RUBCN: variants seen among roughly 807,000 people sequenced by gnomAD.
The protein encoded by RUBCN is run domain Beclin-1-interacting and cysteine-rich domain-containing protein.
RUBCN carries 74 observed loss-of-function variants against 113.2 expected under a neutral mutation model. The observed-to-expected ratio is 0.65, with a 90% CI of 0.54 to 0.79. The LOEUF (loss-of-function observed/expected upper bound fraction) is 0.79, where lower values mean the gene tolerates loss of function less well. Among genes scored for constraint, RUBCN ranks in the 30% least tolerant of loss-of-function variants. The pLI, the probability that RUBCN is intolerant of heterozygous loss-of-function variation, is 0.00. For synonymous variants in RUBCN, 480 were observed against 490.0 expected (o/e 0.98, Z 0.27); for missense variants, 1,109 against 1,251.7 (o/e 0.89, Z 1.72).
rs1721267785 is a variant in RUBCN at position 197,681,772 on chromosome 3, C to T, written c.2191+63G>A. Reference sequence around the variant, plus strand: ...TACCGCCTTTGACACGCCACCTCTCCCTACGTGTCGGGGAGGGTACAGAGC... The same window carrying T: ...TACCGCCTTTGACACGCCACCTCTCTCTACGTGTCGGGGAGGGTACAGAGC... On this transcript the variant is annotated intron_variant, in intron 15 of 19. Transcript: ENST00000296343. This position sits in a 1 kb window ranked among gnomAD's most constrained non-coding sequence, Gnocchi z 5.5. 3 of 1,432,904 alleles carry T rather than the reference C, an allele frequency of 2.1e-6. No homozygotes were observed. Among genetic ancestry groups the T allele is most frequent in the African/African-American group, 1.4e-5 (1 of 71,444 alleles). 88.8% of individuals were successfully genotyped at this position (1,432,904 alleles called of 1,614,324 possible).
chr3:197,692,658 C>A (rs1177938905), intron 11 of RUBCN, among the ~76,000 whole-genome samples: 1 of 151,078 alleles, frequency 6.6e-6, no homozygotes, highest in Admixed American at 6.6e-5. Flanking sequence ...TACAAACAAC[C>A]AAACAAACAA....
At chr3:197,708,640 A>C (rs934651146) in intron 2 of RUBCN, among the ~76,000 whole-genome samples, 1 of 151,882 alleles carries the variant, frequency 6.6e-6, no homozygotes, top group Non-Finnish European at 1.5e-5. Flanking sequence ...CCAAAGAAGC[A>C]CTCAAGTTGG....
rs1404442919 is a variant in RUBCN at position 197,710,541 on chromosome 3, G to C, written c.220-5366C>G. Among the ~76,000 whole-genome samples the C allele has an allele frequency of 2.0e-5, 3 of 151,314 alleles. No homozygotes were observed. In the South Asian group the frequency reaches 6.3e-4, roughly 32 times the overall value. ...CTTGAACCCCAGAGTCAGAGGCTGCGGTGAGCTGGGATTGTGCCATTGCAC... is the reference window on the plus strand; with the variant it reads ...CTTGAACCCCAGAGTCAGAGGCTGCCGTGAGCTGGGATTGTGCCATTGCAC... On this transcript the variant is annotated intron_variant, in intron 2 of 19. Coordinates refer to ENST00000296343, the MANE Select transcript of RUBCN (RefSeq NM_014687.4).
At chr3:197,728,463 G>T (rs1278046684) in intron 1 of RUBCN, among the ~76,000 whole-genome samples, 2 of 152,176 alleles carry the variant, frequency 1.3e-5, no homozygotes, top group Non-Finnish European at 2.9e-5. Context: ...ATCAAACAGG[G>T]ACGGGAAAGA....
intron 1 of RUBCN, among the ~76,000 whole-genome samples, chr3:197,743,296 T>C (rs1728603002): frequency 1.3e-5 from 2 of 151,162 alleles, no homozygotes; most frequent in Non-Finnish European, 2.9e-5. Flanking sequence ...TCATGTTCTC[T>C]GCGGTATCCC....
intron 13 of RUBCN, among the ~76,000 whole-genome samples, chr3:197,682,996 A>G (rs2108853688): frequency 6.6e-6 from 1 of 152,312 alleles, no homozygotes; most frequent in South Asian, 2.1e-4. Flanking sequence ...TGCCTTAAAG[A>G]CAACTGCAGA....
At chr3:197,740,175 A>G (rs1173183729), upstream of RUBCN, among the ~76,000 whole-genome samples, 1 of 152,172 alleles carries the variant, frequency 6.6e-6, no homozygotes, top group African/African-American at 2.4e-5. Context: ...AATAATCTGC[A>G]CTAGCCATGC....
intron 11 of RUBCN, among the ~76,000 whole-genome samples, chr3:197,693,247 G>T (rs545485007): frequency 6.6e-6 from 1 of 152,182 alleles, no homozygotes; most frequent in African/African-American, 2.4e-5. Flanking sequence ...AGCACCGACC[G>T]CAAGGGCAGA....
intron 1 of RUBCN, among the ~76,000 whole-genome samples, chr3:197,727,421 C>T (rs901283373): frequency 6.6e-6 from 1 of 152,162 alleles, no homozygotes; most frequent in African/African-American, 2.4e-5. Flanking sequence ...ACTTCCATTG[C>T]ATAAATCTAA....
chr3:197,722,422 C>A (rs1726271279), intron 1 of RUBCN, among the ~76,000 whole-genome samples: 1 of 151,752 alleles, frequency 6.6e-6, no homozygotes, highest in Non-Finnish European at 1.5e-5. Flanking sequence ...TCTGTTAGGT[C>A]CATTTAGTCT....
Position 197,677,498 on chromosome 3 carries a change from G to A in RUBCN, c.2474C>T (p.Thr825Ile). Residue 825 changes from threonine to isoleucine, a missense_variant, in exon 17 of 20, where the codon ACT (threonine) becomes ATT (isoleucine). Physicochemically the swap from Thr to Ile is moderately conservative, Grantham distance 89. Transcript: ENST00000296343. ...QLCHMKNMFK[T>I]CRLAKELLDS... is the part of the protein sequence containing the mutation. The stretch of plus-strand genomic sequence containing the variant: ...GACTTACTCCTTGGCCAGTCGGCAA[G>A]TCTTGAACATGTTCTTCATGTGACA... The A allele has an allele frequency of 6.2e-7, 1 of 1,614,188 alleles. No individual in the cohort carries two copies. Among genetic ancestry groups the A allele is most frequent in the Non-Finnish European group, 8.5e-7 (1 of 1,180,012 alleles).
At chr3:197,730,754 C>G (rs1580380712) in intron 1 of RUBCN, among the ~76,000 whole-genome samples, 2 of 151,622 alleles carry the variant, frequency 1.3e-5, no homozygotes, top group African/African-American at 4.8e-5. Context: ...CATATGGCTG[C>G]TTGAGATAAT....
chr3:197,726,229 A>C (rs146102860), intron 1 of RUBCN, among the ~76,000 whole-genome samples: 1 of 152,128 alleles, frequency 6.6e-6, no homozygotes, highest in East Asian at 1.9e-4. Flanking sequence ...TTTGTATTTT[A>C]TTTTATTTTA....
chr3:197,681,825 A>G lies in RUBCN; in HGVS notation c.2191+10T>C, dbSNP rs1273602405. ...CTGGAGGCAGCATGGTGGGAAGGGAAGGCACTCACCAGGGTCAGTCCGGAT... is the reference window on the plus strand; with the variant it reads ...CTGGAGGCAGCATGGTGGGAAGGGAGGGCACTCACCAGGGTCAGTCCGGAT... On this transcript the variant is annotated intron_variant, in intron 15 of 19. Coordinates refer to ENST00000296343, the MANE Select transcript of RUBCN (RefSeq NM_014687.4). The surrounding 1 kb of genome is among the most constrained non-coding windows in gnomAD (Gnocchi z 5.5). 2 of 1,612,588 alleles carry G rather than the reference A, an allele frequency of 1.2e-6. No individual in the cohort carries two copies. Among genetic ancestry groups the G allele is most frequent in the Non-Finnish European group, 1.7e-6 (2 of 1,178,758 alleles).
chr3:197,705,548 G>GA (rs1377258640), intron 2 of RUBCN, among the ~76,000 whole-genome samples: 1 of 123,888 alleles, frequency 8.1e-6, no homozygotes, highest in Admixed American at 1.1e-4. Context: ...CCAGGCAACA[G>GA]AGTGAGACCC....
At chr3:197,716,894 G>A (rs1187631694) in intron 2 of RUBCN, among the ~76,000 whole-genome samples, 1 of 152,110 alleles carries the variant, frequency 6.6e-6, no homozygotes, top group African/African-American at 2.4e-5. Flanking sequence ...GCTAAGGCAG[G>A]AGGGTCACTT....
At chr3:197,727,317 C>T (rs1190940767) in intron 1 of RUBCN, among the ~76,000 whole-genome samples, 1 of 152,178 alleles carries the variant, frequency 6.6e-6, no homozygotes, top group Non-Finnish European at 1.5e-5. Context: ...ACAACAATTG[C>T]TTCACAGAGG....
chr3:197,676,123 C>A (rs113117018), intron 18 of RUBCN: 10 of 879,590 alleles, frequency 1.1e-5, no homozygotes, highest in African/African-American at 1.8e-5. Flanking sequence ...GTATACAAAA[C>A]GCTGTCATAC....
In RUBCN at chr3:197,681,192, G is replaced by A. The variant is rs552591510; in HGVS notation, c.2367C>T (p.Leu789=). ...CACTGTTTATGTCCTGCACGTTGAA[G>A]AGAGGATCATTCCAGATCTTAATGA... is the stretch of plus-strand genomic sequence containing the variant. ...DLLIKIWNDP[L]FNVQDINSAL... Residue 789 remains leucine, a synonymous_variant, in exon 16 of 20, where the codon CTC becomes CTT. Transcript: ENST00000296343. The surrounding 1 kb of genome is among the most constrained non-coding windows in gnomAD (Gnocchi z 5.5). 6.2e-7 allele frequency: 1 copy of A among 1,614,142 alleles called. No individual in the cohort carries two copies. Among genetic ancestry groups the A allele is most frequent in the Non-Finnish European group, 8.5e-7 (1 of 1,180,004 alleles).
Sources: gnomAD v4.1 joint callset for allele counts (sites outside exome capture counted in the v4.1 genomes callset) on GRCh38, gnomAD v4.1.1 for gene constraint, Gnocchi (gnomAD v3.1) non-coding constraint, MANE v1.5 for transcripts, NCBI Gene and HGNC (gene_info 2026-07-23, HGNC 2026-07-21) for gene names.